ADSS2: variants seen among roughly 807,000 people sequenced by gnomAD.
The protein encoded by ADSS2 is adenylosuccinate synthetase isozyme 2.
A neutral mutation model predicts 60.0 loss-of-function variants in ADSS2; 30 were observed. That is an observed-to-expected ratio of 0.50 (90% CI 0.37 to 0.68). ADSS2 has a LOEUF of 0.68. ADSS2 is among the 30% of genes least tolerant of loss of function. The probability of loss-of-function intolerance (pLI) is 0.00; values close to 1 mark genes in which losing one functional copy is unlikely to be tolerated. For missense variants in ADSS2, 373 were observed against 554.8 expected, an observed-to-expected ratio of 0.67 and a Z score of 3.29; for synonymous variants, 187 against 193.1, an observed-to-expected ratio of 0.97 and a Z score of 0.26.
chr1:244,438,079 G>C (rs2148009434), intron 1 of ADSS2, among the ~76,000 whole-genome samples: 1 of 152,242 alleles, frequency 6.6e-6, no homozygotes, highest in East Asian at 1.9e-4. Flanking sequence ...CAATTAGTCT[G>C]TCTTTGGCTA....
chr1:244,432,555 T>C lies in ADSS2; in HGVS notation c.396A>G (p.Arg132=). Residue 132 remains arginine, a synonymous_variant, in exon 4 of 13, where the codon AGA becomes AGG. Coordinates refer to ENST00000366535, the MANE Select transcript of ADSS2 (RefSeq NM_001126.5). ...ATATATCCACCTTACCAATATGAGC[T>C]CTGTCAGATATAATAAGCCTTTTTT... is the stretch of plus-strand genomic sequence containing the variant. ...GWEKRLIISD[R]AHIVFDFHQA... 1 of 1,577,358 alleles carries C rather than the reference T, an allele frequency of 6.3e-7. No homozygotes were observed. The highest frequency in any genetic ancestry group is 8.6e-7 in the Non-Finnish European group (1 of 1,159,872).
At chr1:244,416,587 G>A (rs2147990310) in intron 10 of ADSS2, among the ~76,000 whole-genome samples, 1 of 152,244 alleles carries the variant, frequency 6.6e-6, no homozygotes, top group South Asian at 2.1e-4. Flanking sequence ...CTCCCAAAGT[G>A]CTGGGATTAT....
In ADSS2 at chr1:244,411,425, C is replaced by T. The variant is rs1331218464; in HGVS notation, c.1180G>A (p.Val394Ile). The change falls in exon 12 of 13, where the codon GTC (valine) becomes ATC (isoleucine). Residue 394 changes from valine to isoleucine, a missense_variant. Val to Ile is a conservative substitution (Grantham distance 29). Coordinates refer to ENST00000366535, the MANE Select transcript of ADSS2 (RefSeq NM_001126.5). Reference protein sequence around the residue: ...IIPHIPANQEVLNKVEVQYKT... With the variant: ...IIPHIPANQEILNKVEVQYKT... Reference sequence around the variant, plus strand: ...TATTGAACTTCAACTTTATTTAAGACTTCTTGGTTTGCTAAAAGTTAAAGA... The same window carrying T: ...TATTGAACTTCAACTTTATTTAAGATTTCTTGGTTTGCTAAAAGTTAAAGA... 1.2e-6 allele frequency: 2 copies of T among 1,608,454 alleles called. No homozygotes were observed. The highest frequency in any genetic ancestry group is 1.7e-6 in the Non-Finnish European group (2 of 1,178,588).
At chr1:244,445,964 A>G (rs1429501516) in intron 1 of ADSS2, among the ~76,000 whole-genome samples, 1 of 152,216 alleles carries the variant, frequency 6.6e-6, no homozygotes, top group Admixed American at 6.5e-5. Flanking sequence ...TGCTTTGAAT[A>G]TATGAACAAC....
At chr1:244,443,825 G>A (rs1032072759) in intron 1 of ADSS2, among the ~76,000 whole-genome samples, 12 of 152,194 alleles carry the variant, frequency 7.9e-5, no homozygotes, top group African/African-American at 1.7e-4. Flanking sequence ...GCAGGGAGGC[G>A]GAGTGGCAGA....
intron 1 of ADSS2, among the ~76,000 whole-genome samples, chr1:244,446,190 G>A (rs958828369): frequency 1.3e-5 from 2 of 152,186 alleles, no homozygotes; most frequent in South Asian, 2.1e-4. Context: ...GGTAAAGATT[G>A]TAAGATCTGT....
rs1356175146 is a variant in ADSS2, at chr1:244,437,752, C to T, written c.200G>A (p.Gly67Asp). 2 of 1,604,832 alleles carry T rather than the reference C, an allele frequency of 1.2e-6. No homozygotes were observed. The highest frequency in any genetic ancestry group is 1.7e-6 in the Non-Finnish European group (2 of 1,171,800). ...CACAGAATCCACAACAACTGTATGG[C>T]CAGCATTATTTCCTCCCTAAAATGT... ...VCRCQGGNNA[G>D]HTVVVDSVEY... Residue 67 changes from glycine (G) to aspartate (D), a missense_variant, in exon 2 of 13, where the codon GGC becomes GAC. Transcript: ENST00000366535.
At chr1:244,450,371 A>C (rs1318933738) in intron 1 of ADSS2, among the ~76,000 whole-genome samples, 7 of 152,278 alleles carry the variant, frequency 4.6e-5, no homozygotes, top group Admixed American at 1.3e-4. Flanking sequence ...TTAGTGCAAC[A>C]GCTATTTCAG....
At chr1:244,420,498 T>TC (rs72503260) in intron 7 of ADSS2, among the ~76,000 whole-genome samples, 2 of 41,844 alleles carry the variant, frequency 4.8e-5, no homozygotes, top group Admixed American at 2.6e-4. Flanking sequence ...GAAAAGAGCA[T>TC]TGCTCAACAA....
At chr1:244,433,652 G>A (rs1200487736) in intron 3 of ADSS2, among the ~76,000 whole-genome samples, 4 of 152,268 alleles carry the variant, frequency 2.6e-5, no homozygotes, top group East Asian at 1.9e-4. Flanking sequence ...GAGGTCAGGA[G>A]ATCGAGACCA....
rs111378681 is a variant in ADSS2, at chr1:244,438,321, T to C, written c.184-553A>G. Among the ~76,000 whole-genome samples, 386 of 152,292 alleles carry C rather than the reference T, an allele frequency of 2.5e-3. 5 individuals carry two copies. The highest frequency in any genetic ancestry group is 8.8e-3 in the African/African-American group (367 of 41,562). ...CCTTGGCCTCTGATTTATAAACCAGTCTTGTAGGTTTGGTTAGTGACAGAT... is the reference window on the plus strand; with the variant it reads ...CCTTGGCCTCTGATTTATAAACCAGCCTTGTAGGTTTGGTTAGTGACAGAT... On this transcript the variant is annotated intron_variant, in intron 1 of 12. Transcript: ENST00000366535.
rs1445024807 is a variant in ADSS2 at position 244,451,716 on chromosome 1, G to C, written c.102C>G (p.Leu34=). The change falls in exon 1 of 13, where the codon CTC becomes CTG. Residue 34 remains leucine, a synonymous_variant. Transcript: ENST00000366535. The surrounding 1 kb of genome is among the most constrained non-coding windows in gnomAD (Gnocchi z 6.6). ...TGCCTTCGTCGCCCCACTGCGCACC[G>C]AGCACCACCGTCACCCGGTTTCCTC... ...RPGGNRVTVV[L]GAQWGDEGKG... The C allele has an allele frequency of 1.2e-6, 2 of 1,611,530 alleles. No individual in the cohort carries two copies. Among genetic ancestry groups the C allele is most frequent in the Non-Finnish European group, 1.7e-6 (2 of 1,179,074 alleles).
Position 244,451,599 on chromosome 1 carries a change from G to A in ADSS2, c.183+36C>T. Reference sequence around the variant, plus strand: ...CAGGAGCCAGGCAGCCCGAGCTCCCGGGCCCGGCTTCCCATGAGAGGCCCC... The same window carrying A: ...CAGGAGCCAGGCAGCCCGAGCTCCCAGGCCCGGCTTCCCATGAGAGGCCCC... On this transcript the variant is annotated intron_variant, in intron 1 of 12. Transcript: ENST00000366535. The surrounding 1 kb of genome is among the most constrained non-coding windows in gnomAD (Gnocchi z 6.6). 6.3e-7 allele frequency: 1 copy of A among 1,576,146 alleles called. No individual in the cohort carries two copies. Among genetic ancestry groups the A allele is most frequent in the Non-Finnish European group, 8.6e-7 (1 of 1,161,520 alleles).
chr1:244,424,438 CA>C (rs1390352107), intron 4 of ADSS2, 51 bp from the exon 5 acceptor site: 1 of 1,422,166 alleles, frequency 7.0e-7, no homozygotes, highest in East Asian at 2.3e-5. Flanking sequence ...TACACAAAAG[CA>C]AAATCCACCG....
At chr1:244,435,967 C>T (rs1384084833) in intron 3 of ADSS2, among the ~76,000 whole-genome samples, 3 of 152,166 alleles carry the variant, frequency 2.0e-5, no homozygotes, top group Non-Finnish European at 4.4e-5. Context: ...AGTACACATG[C>T]CACTTTATTG....
chr1:244,419,876 A>C (rs1342871782), intron 8 of ADSS2, among the ~76,000 whole-genome samples: 2 of 152,208 alleles, frequency 1.3e-5, no homozygotes, highest in Non-Finnish European at 2.9e-5. Flanking sequence ...CTTATCTTAT[A>C]GTTCCAGGGT....
At chr1:244,438,203 C>T (rs1665150340) in intron 1 of ADSS2, among the ~76,000 whole-genome samples, 1 of 152,074 alleles carries the variant, frequency 6.6e-6, no homozygotes, top group African/African-American at 2.4e-5. Context: ...TCATAGAATT[C>T]CCATCATCCT....
At position 244,450,157 on chromosome 1, in the gene ADSS2, A is replaced by G. The variant is rs551962881; in HGVS notation, c.183+1478T>C. 7.9e-5 allele frequency among the ~76,000 whole-genome samples: 12 copies of G among 152,322 alleles called. No homozygotes were observed. In the Middle Eastern group the frequency reaches 0.014, roughly 173 times the overall value. ...CTCGGTATTCGGATACGTCTTCCCCACAGCATGACCAGATCTGAATGTAAG... is the reference window on the plus strand; with the variant it reads ...CTCGGTATTCGGATACGTCTTCCCCGCAGCATGACCAGATCTGAATGTAAG... On this transcript the variant is annotated intron_variant, in intron 1 of 12. Coordinates refer to ENST00000366535, the MANE Select transcript of ADSS2 (RefSeq NM_001126.5).
At chr1:244,427,251 T>TA (rs1664828135) in intron 4 of ADSS2, among the ~76,000 whole-genome samples, 1 of 152,140 alleles carries the variant, frequency 6.6e-6, no homozygotes, top group African/African-American at 2.4e-5. Context: ...ATCAACTGTT[T>TA]AAACCTTCTA....
Sources: gnomAD v4.1 joint callset for allele counts (sites outside exome capture counted in the v4.1 genomes callset) on GRCh38, gnomAD v4.1.1 for gene constraint, Gnocchi (gnomAD v3.1) non-coding constraint, MANE v1.5 for transcripts, NCBI Gene and HGNC (gene_info 2026-07-23, HGNC 2026-07-21) for gene names.